RFX1: variants seen among roughly 807,000 people sequenced by gnomAD.
RFX1 encodes MHC class II regulatory factor RFX1.
RFX1 carries 42 observed loss-of-function variants against 119.6 expected under a neutral mutation model. The observed-to-expected ratio is 0.35, with a 90% CI of 0.27 to 0.45. The LOEUF (loss-of-function observed/expected upper bound fraction) is 0.45, where lower values mean the gene tolerates loss of function less well. Ranked by LOEUF, RFX1 falls within the 20% of genes least tolerant of loss-of-function variation. The pLI is 1.00. For synonymous variants in RFX1, 628 were observed against 618.5 expected, an observed-to-expected ratio of 1.02 and a Z score of -0.23; for missense variants, 1,118 against 1,368.1, an observed-to-expected ratio of 0.82 and a Z score of 2.88.
chr19:13,969,861 G>A lies in RFX1; in HGVS notation c.1496+133C>T. On this transcript the variant is annotated intron_variant, in intron 10 of 20. Coordinates refer to ENST00000254325, the MANE Select transcript of RFX1 (RefSeq NM_002918.5). This position sits in a 1 kb window ranked among gnomAD's most constrained non-coding sequence, Gnocchi z 4.5. Reference sequence around the variant, plus strand: ...AAGGCCTAGAGTGGGAGTGAGCGGGGCTGTCGAGGAGCCTCGCAGAGGCCG... The same window carrying A: ...AAGGCCTAGAGTGGGAGTGAGCGGGACTGTCGAGGAGCCTCGCAGAGGCCG... The A allele has an allele frequency of 1.2e-6, 1 of 824,358 alleles. No homozygotes were observed. Among genetic ancestry groups the A allele is most frequent in the East Asian group, 2.7e-5 (1 of 36,814 alleles). 51.1% of individuals were successfully genotyped at this position (824,358 alleles called of 1,614,324 possible).
chr19:13,987,175 C>G (rs148438729), intron 2 of RFX1, among the ~76,000 whole-genome samples: 1 of 152,312 alleles, frequency 6.6e-6, no homozygotes, highest in Non-Finnish European at 1.5e-5. Context: ...CAGGCCGGCT[C>G]GGTTTCACCT....
intron 9 of RFX1, among the ~76,000 whole-genome samples, chr19:13,971,793 A>G (rs2145557575): frequency 6.6e-6 from 1 of 152,212 alleles, no homozygotes; most frequent in East Asian, 1.9e-4. Flanking sequence ...GTGGATCACG[A>G]GGTCAGGAAA....
chr19:13,968,705 C>G lies in RFX1; in HGVS notation c.1617-25G>C, dbSNP rs373013857. Reference sequence around the variant, plus strand: ...CCTGGAGTAGAATGGGCAGGTGGGCCGGCTGCTGGGGGCCGGCCTGTGTGC... The same window carrying G: ...CCTGGAGTAGAATGGGCAGGTGGGCGGGCTGCTGGGGGCCGGCCTGTGTGC... On this transcript the variant is annotated intron_variant, in intron 11 of 20. Transcript: ENST00000254325. This position sits in a 1 kb window ranked among gnomAD's most constrained non-coding sequence, Gnocchi z 5.5. 6.2e-7 allele frequency: 1 copy of G among 1,611,484 alleles called. No individual in the cohort carries two copies. The highest frequency in any genetic ancestry group is 8.5e-7 in the Non-Finnish European group (1 of 1,179,268).
chr19:13,963,422 CCCCAGCCTGCCCG>C (rs1973783107), intron 18 of RFX1, 103 bp downstream of exon 18: 2 of 1,412,612 alleles, frequency 1.4e-6, no homozygotes, highest in Non-Finnish European at 1.9e-6. Context: ...GAGCCCAGGG[CCCCAGCCTGCCCG>C]CCCAGCCTGC....
rs1487803502 is a variant in RFX1, at chr19:13,968,648, G to A, written c.1649C>T (p.Thr550Ile). 2 of 1,613,318 alleles carry A rather than the reference G, an allele frequency of 1.2e-6. No individual in the cohort carries two copies. Among genetic ancestry groups the A allele is most frequent in the Admixed American group, 1.7e-5 (1 of 60,022 alleles). The stretch of plus-strand genomic sequence containing the variant: ...CTGCTGCCCCACCGCCACGCCGTTG[G>A]TCATGCCTTCCATCTTCTGGATGGG... ...LKPIQKMEGMTNGVAVGQQPS... is the reference protein window; with the variant it reads ...LKPIQKMEGMINGVAVGQQPS... Residue 550 changes from threonine to isoleucine, a missense_variant, in exon 12 of 21, where the codon ACC becomes ATC. By Grantham distance (89) the Thr-to-Ile change is moderately conservative. This residue lies in a region of RFX1 where 338 missense variants were observed against 508.9 expected (regional missense o/e 0.66). Transcript: ENST00000254325. This position sits in a 1 kb window ranked among gnomAD's most constrained non-coding sequence, Gnocchi z 5.5.
Position 13,972,775 on chromosome 19 carries a change from A to C in RFX1, c.1282T>G (p.Tyr428Asp). The C allele has an allele frequency of 6.2e-7, 1 of 1,606,560 alleles. No individual in the cohort carries two copies. The highest frequency in any genetic ancestry group is 8.5e-7 in the Non-Finnish European group (1 of 1,176,460). The change falls in exon 9 of 21, where the codon TAC becomes GAC. Residue 428 changes from tyrosine (Y) to aspartate (D), a missense_variant. Physicochemically the swap from Tyr to Asp is radical, Grantham distance 160 (BLOSUM62 -3). Around this residue, in one of 5 missense-constraint regions of RFX1, gnomAD observed 542 missense variants for 602.7 expected, o/e 0.90. Transcript: ENST00000254325. ...GGCGAGGCACGGGTGGTGTGAGAGT[A>C]AGACTGGCTGGCACTGCCCAGCATG... ...GYMLGSASQS[Y>D]SHTTRASPAT... is the part of the protein sequence containing the mutation.
intron 2 of RFX1, among the ~76,000 whole-genome samples, chr19:13,989,897 C>T (rs1482187582): frequency 1.3e-5 from 2 of 151,858 alleles, no homozygotes; most frequent in Non-Finnish European, 2.9e-5. Flanking sequence ...GAGGTGGAGC[C>T]GAGAGGTCTT....
intron 2 of RFX1, among the ~76,000 whole-genome samples, chr19:13,991,114 T>C (rs752044893): frequency 6.6e-6 from 1 of 152,098 alleles, no homozygotes; most frequent in Non-Finnish European, 1.5e-5. Context: ...GTTCTGGATA[T>C]GGGTGGTGCT....
At chr19:13,998,706 T>G (rs1467571976) in intron 1 of RFX1, among the ~76,000 whole-genome samples, 1 of 152,126 alleles carries the variant, frequency 6.6e-6, no homozygotes, top group Non-Finnish European at 1.5e-5. Flanking sequence ...TACTGCCCAG[T>G]GAGTCTGAAA....
At position 13,985,352 on chromosome 19, in the gene RFX1, G is replaced by A. The variant is rs1293357119; in HGVS notation, c.320-1757C>T. 6.6e-6 allele frequency among the ~76,000 whole-genome samples: 1 copy of A among 152,022 alleles called. No individual in the cohort carries two copies. The highest frequency in any genetic ancestry group is 2.4e-5 in the African/African-American group (1 of 41,390). ...CCACCACGCCCAGCTAATTTTTGTG[G>A]TTTTAGTAGAGACGGGGTTTTGCCA... On this transcript the variant is annotated intron_variant, in intron 2 of 20. Coordinates refer to ENST00000254325, the MANE Select transcript of RFX1 (RefSeq NM_002918.5). This position sits in a 1 kb window ranked among gnomAD's most constrained non-coding sequence, Gnocchi z 4.3.
At chr19:13,991,394 A>C (rs1197898329) in intron 2 of RFX1, among the ~76,000 whole-genome samples, 1 of 152,318 alleles carries the variant, frequency 6.6e-6, no homozygotes, top group East Asian at 1.9e-4. Flanking sequence ...TGTGGCCTGA[A>C]GACCCTGCCC....
intron 1 of RFX1, among the ~76,000 whole-genome samples, 161 bp from the exon 2 acceptor site, chr19:13,994,056 C>T (rs537575539): frequency 6.6e-6 from 1 of 152,034 alleles, no homozygotes; most frequent in African/African-American, 2.4e-5. Context: ...AGGCTGGTGG[C>T]CAGAAATATC....
chr19:13,965,669 G>A lies in RFX1; in HGVS notation c.2070C>T (p.Gly690=). The change falls in exon 15 of 21, where the codon GGC becomes GGT. Residue 690 remains glycine, a synonymous_variant. Transcript: ENST00000254325. The surrounding 1 kb of genome is among the most constrained non-coding windows in gnomAD (Gnocchi z 4.7). ...TKHCDNVLYQ[G]LVEILIPDVL... is the part of the protein sequence containing the mutation. ...CGTCGGGAATGAGGATTTCCACCAG[G>A]CCCTGGTACAGCACGTTGTCACAGT... is the stretch of plus-strand genomic sequence containing the variant. 2 of 1,613,836 alleles carry A rather than the reference G, an allele frequency of 1.2e-6. No homozygotes were observed. The highest frequency in any genetic ancestry group is 1.7e-6 in the Non-Finnish European group (2 of 1,179,964).
At position 13,992,716 on chromosome 19, in the gene RFX1, G is replaced by A. The variant is rs112754555; in HGVS notation, c.319+809C>T. The stretch of plus-strand genomic sequence containing the variant: ...ATCACAAATGAGGAAACCAGAGCAG[G>A]GAGGCCAAAAGACTGGTGTGTAGCC... On this transcript the variant is annotated intron_variant, in intron 2 of 20. Transcript: ENST00000254325. 8.1e-3 allele frequency among the ~76,000 whole-genome samples: 1,231 copies of A among 152,320 alleles called. 17 individuals carry two copies. Among genetic ancestry groups the A allele is most frequent in the African/African-American group, 0.028 (1,158 of 41,554 alleles).
At chr19:13,982,093 G>A (rs1599496422) in intron 5 of RFX1, 28 bp downstream of exon 5, 3 of 1,174,000 alleles carry the variant, frequency 2.6e-6, no homozygotes, top group Non-Finnish European at 3.3e-6. Flanking sequence ...CAGCAGGGGG[G>A]AGGGCGGCCA....
In RFX1 at chr19:13,980,733, C is replaced by CATCCTCTCTGGGGTGGGCTCGA. The variant is rs753962967; in HGVS notation, c.622-45_622-44insTCGAGCCCACCCCAGAGAGGAT. 9,050 of 1,426,198 alleles carry CATCCTCTCTGGGGTGGGCTCGA rather than the reference C, an allele frequency of 6.3e-3. 502 individuals carry two copies. The African/African-American group carries it at 0.085, about 13-fold the overall frequency. The allele number at this position is 1,426,198 out of a possible 1,614,324, so 88.3% of individuals were successfully genotyped here. A position where few individuals can be genotyped will look rare whatever the true frequency, so the allele number is the denominator to read the frequency against. Reference sequence around the variant, plus strand: ...CAGGAGTGCCGCTGGGGTGGGCTTGCATCCTCTCTGAGGTGGGCTCACACA... The same window carrying CATCCTCTCTGGGGTGGGCTCGA: ...CAGGAGTGCCGCTGGGGTGGGCTTGCATCCTCTCTGGGGTGGGCTCGAATCCTCTCTGAGGTGGGCTCACACA... On this transcript the variant is annotated intron_variant, in intron 5 of 20. Coordinates refer to ENST00000254325, the MANE Select transcript of RFX1 (RefSeq NM_002918.5). The surrounding 1 kb of genome is among the most constrained non-coding windows in gnomAD (Gnocchi z 5.1).
intron 2 of RFX1, among the ~76,000 whole-genome samples, chr19:13,992,230 G>A (rs948956560): frequency 6.6e-6 from 1 of 152,148 alleles, no homozygotes; most frequent in Admixed American, 6.6e-5. Flanking sequence ...CTTGAGCCCA[G>A]GAGTTCGAGG....
chr19:13,991,597 C>T (rs1004482092), intron 2 of RFX1, among the ~76,000 whole-genome samples: 7 of 152,236 alleles, frequency 4.6e-5, no homozygotes, highest in Admixed American at 6.5e-5. Context: ...CCAGAAGCCT[C>T]TGGGACACTG....
rs774435556 is a variant in RFX1 at position 13,993,708 on chromosome 19, C to A, written c.136G>T (p.Ala46Ser). 5.5e-6 allele frequency: 5 copies of A among 909,406 alleles called. No homozygotes were observed. The East Asian group carries it at 4.0e-4, about 73-fold the overall frequency. The allele number at this position is 909,406 out of a possible 1,614,324, so 56.3% of individuals were successfully genotyped here. A position where few individuals can be genotyped will look rare whatever the true frequency, so the allele number is the denominator to read the frequency against. ...AAPQPPQPPTAAATPQPQYVT... is the reference protein window; with the variant it reads ...AAPQPPQPPTSAATPQPQYVT... ...TATTGGGGCTGAGGGGTGGCAGCAGCGGTGGGTGGCTGCGGGGGCTGGGGT... is the reference window on the plus strand; with the variant it reads ...TATTGGGGCTGAGGGGTGGCAGCAGAGGTGGGTGGCTGCGGGGGCTGGGGT... Residue 46 changes from alanine to serine, a missense_variant, in exon 2 of 21, where the codon GCT becomes TCT. By Grantham distance (99) the Ala-to-Ser change is moderately conservative (BLOSUM62 1). Around this residue, in one of 5 missense-constraint regions of RFX1, gnomAD observed 542 missense variants for 602.7 expected, o/e 0.90. Coordinates refer to ENST00000254325, the MANE Select transcript of RFX1 (RefSeq NM_002918.5).
Sources: gnomAD v4.1 joint callset for allele counts (sites outside exome capture counted in the v4.1 genomes callset) on GRCh38, gnomAD v4.1.1 for gene constraint, gnomAD v4.1.1 regional missense constraint, Gnocchi (gnomAD v3.1) non-coding constraint, MANE v1.5 for transcripts, NCBI Gene and HGNC (gene_info 2026-07-23, HGNC 2026-07-21) for gene names.